NUP133: variants seen among roughly 807,000 people sequenced by gnomAD.
The protein encoded by NUP133 is nuclear pore complex protein Nup133.
Under a neutral mutation model 146.2 loss-of-function variants are expected in NUP133, and 66 were observed. That is an observed-to-expected ratio of 0.45 (90% CI 0.37 to 0.55). The LOEUF (loss-of-function observed/expected upper bound fraction) is 0.55, where lower values mean the gene tolerates loss of function less well. Among genes scored for constraint, NUP133 ranks in the 20% least tolerant of loss-of-function variants. The pLI, the probability that NUP133 is intolerant of heterozygous loss-of-function variation, is 0.00. For missense variants in NUP133, 1,277 were observed against 1,374.8 expected (o/e 0.93, Z 1.12); for synonymous variants, 521 against 498.8 (o/e 1.04, Z -0.59).
chr1:229,456,577 C>T (rs1042119115), intron 21 of NUP133, among the ~76,000 whole-genome samples: 4 of 152,042 alleles, frequency 2.6e-5, no homozygotes, highest in Non-Finnish European at 5.9e-5. Flanking sequence ...CCCAATAAGA[C>T]TCTCCAAGAT....
intron 12 of NUP133, among the ~76,000 whole-genome samples, chr1:229,479,243 G>T: frequency 6.6e-6 from 1 of 152,190 alleles, no homozygotes; most frequent in South Asian, 2.1e-4. Context: ...GCGACCTTCT[G>T]CATAAGCAAG....
rs1381167171 is a variant in NUP133, at chr1:229,441,235, T to C, written c.*669A>G. 13 of 340,538 alleles carry C rather than the reference T, an allele frequency of 3.8e-5. No homozygotes were observed. The Admixed American group carries it at 4.9e-4, about 13-fold the overall frequency. 21.1% of individuals were successfully genotyped at this position (340,538 alleles called of 1,614,324 possible). On this transcript the variant is annotated 3_prime_UTR_variant, in exon 26 of 26. Transcript: ENST00000261396. ...AATCCCCACACTGAAAGATTAGAACTAAACATCAACAGTAATTTCTAGATA... is the reference window on the plus strand; with the variant it reads ...AATCCCCACACTGAAAGATTAGAACCAAACATCAACAGTAATTTCTAGATA...
rs77677767 is a variant in NUP133, at chr1:229,449,164, T to C, written c.3207A>G (p.Leu1069=). ...GAGCTTTGCAAAGGATTTCCAGTTT[T>C]AGATCATTTATATTTATATCTTCTT... is the stretch of plus-strand genomic sequence containing the variant. The part of the protein sequence containing the change: ...DEEEDININD[L]KLEILCKALQ... Residue 1069 remains leucine, a synonymous_variant, in exon 24 of 26, where the codon CTA becomes CTG. Transcript: ENST00000261396. The C allele has an allele frequency of 1.7e-3, 2,704 of 1,611,302 alleles. 45 individuals carry two copies. The African/African-American group carries it at 0.032, about 19-fold the overall frequency.
intron 21 of NUP133, among the ~76,000 whole-genome samples, chr1:229,455,418 G>T (rs1322901287): frequency 6.6e-6 from 1 of 152,102 alleles, no homozygotes; most frequent in Admixed American, 6.6e-5. Flanking sequence ...AAAATTAGCC[G>T]GGCATGGGAG....
chr1:229,472,038 G>A (rs568564033), intron 14 of NUP133, among the ~76,000 whole-genome samples: 6 of 152,196 alleles, frequency 3.9e-5, no homozygotes, highest in African/African-American at 1.2e-4. Context: ...AGGTGTAATC[G>A]GCCAGGCGTG....
rs753793987 is a variant in NUP133, at chr1:229,477,670, A to G, written c.1683T>C (p.Val561=). 8.1e-6 allele frequency: 13 copies of G among 1,614,100 alleles called. 1 individual carries two copies. In the Middle Eastern group the frequency reaches 6.6e-4, roughly 82 times the overall value. Residue 561 remains valine (V), a synonymous_variant, in exon 13 of 26, where the codon GTT becomes GTC. Transcript: ENST00000261396. ...LDSDSELDRA[V]TQISVDLMDD... is the part of the protein sequence containing the mutation. ...CCATCAGGTCTACACTGATTTGGGT[A>G]ACTGCCCTGTCTAGTTCAGAATCAG...
At chr1:229,484,362 C>T (rs1661294445) in intron 11 of NUP133, among the ~76,000 whole-genome samples, 1 of 151,768 alleles carries the variant, frequency 6.6e-6, no homozygotes, top group Non-Finnish European at 1.5e-5. Flanking sequence ...TTAATGATAG[C>T]TGATGAGTTA....
At chr1:229,488,525 G>T (rs994780317) in intron 9 of NUP133, among the ~76,000 whole-genome samples, 6 of 152,104 alleles carry the variant, frequency 3.9e-5, no homozygotes, top group Admixed American at 1.3e-4. Flanking sequence ...ATAGTCTTCT[G>T]CCCTGGCTGA....
intron 12 of NUP133, among the ~76,000 whole-genome samples, chr1:229,482,473 A>G (rs546348755): frequency 6.6e-6 from 1 of 152,232 alleles, no homozygotes; most frequent in Non-Finnish European, 1.5e-5. Context: ...GCATCTGTCC[A>G]AAGTTTCCCA....
chr1:229,495,871 A>G, intron 7 of NUP133, 21 bp downstream of exon 7: 1 of 1,549,598 alleles, frequency 6.5e-7, no homozygotes, highest in Non-Finnish European at 8.7e-7. Context: ...AATTACAGAG[A>G]TGAATATTAT....
At chr1:229,490,962 G>GA (rs1218041543) in intron 8 of NUP133, among the ~76,000 whole-genome samples, 43 of 128,516 alleles carry the variant, frequency 3.3e-4, no homozygotes, top group Middle Eastern at 3.7e-3. Flanking sequence ...AAAAAAAAAA[G>GA]AAAAAAAAAA....
In NUP133 at chr1:229,475,632, T is replaced by TA; in HGVS notation, c.1851+5_1851+6insT. The TA allele has an allele frequency of 1.9e-6, 3 of 1,609,934 alleles. No individual in the cohort carries two copies. The highest frequency in any genetic ancestry group is 2.6e-6 in the Non-Finnish European group (3 of 1,176,132). ...GAGCCCTGTGCCCAGCACCCTGCGC[T>TA]CTTACTTGATGAATAAAGTCCATAA... On this transcript the variant is annotated splice_donor_region_variant and intron_variant, in intron 14 of 25. Coordinates refer to ENST00000261396, the MANE Select transcript of NUP133 (RefSeq NM_018230.3).
Position 229,498,270 on chromosome 1 carries a change from G to C in NUP133, c.685C>G (p.Leu229Val), listed in dbSNP as rs1462874611. The C allele has an allele frequency of 6.2e-7, 1 of 1,603,226 alleles. No individual in the cohort carries two copies. Among genetic ancestry groups the C allele is most frequent in the Non-Finnish European group, 8.5e-7 (1 of 1,176,988 alleles). The change falls in exon 6 of 26, where the codon CTA (leucine) becomes GTA (valine). Residue 229 changes from leucine to valine, a missense_variant. Transcript: ENST00000261396. Reference protein sequence around the residue: ...SFILSSSGSQLIRLIPESSGK... With the variant: ...SFILSSSGSQVIRLIPESSGK... Reference sequence around the variant, plus strand: ...GAGCTCTCAGGTATCAACCGAATTAGTTGGCTTCCTGATGAAGACAAAATA... The same window carrying C: ...GAGCTCTCAGGTATCAACCGAATTACTTGGCTTCCTGATGAAGACAAAATA...
rs779505001 is a variant in NUP133 at position 229,444,953 on chromosome 1, T to C, written c.3295A>G (p.Ser1099Gly). The C allele has an allele frequency of 6.2e-7, 1 of 1,612,390 alleles. No individual in the cohort carries two copies. Among genetic ancestry groups the C allele is most frequent in the East Asian group, 2.2e-5 (1 of 44,836 alleles). ...TTCTGTAAGATCTTCACAAATATAC[T>C]GTCTTTAGATACTTCAATTGGATCA... ...KDDPIEVSKDSIFVKILQKLL... is the reference protein window; with the variant it reads ...KDDPIEVSKDGIFVKILQKLL... Residue 1099 changes from serine (S) to glycine (G), a missense_variant, in exon 25 of 26, where the codon AGT becomes GGT. By Grantham distance (56) the Ser-to-Gly change is moderately conservative. Transcript: ENST00000261396.
intron 8 of NUP133, among the ~76,000 whole-genome samples, chr1:229,492,042 C>T (rs1387426761): frequency 1.3e-5 from 2 of 152,044 alleles, no homozygotes; most frequent in Non-Finnish European, 2.9e-5. Context: ...AAACTTGTTG[C>T]TCCCAATAAA....
chr1:229,488,361 G>A (rs1661414593), intron 9 of NUP133, among the ~76,000 whole-genome samples: 1 of 151,926 alleles, frequency 6.6e-6, no homozygotes, highest in South Asian at 2.1e-4. Flanking sequence ...TAGTTGATTT[G>A]TTTACATATA....
chr1:229,472,581 C>T (rs959770066), intron 14 of NUP133, among the ~76,000 whole-genome samples: 8 of 151,332 alleles, frequency 5.3e-5, no homozygotes, highest in Admixed American at 2.0e-4. Context: ...ACTTGGGAGG[C>T]TGAGATGGGA....
chr1:229,508,097 C>T lies in NUP133; in HGVS notation c.153G>A (p.Pro51=), dbSNP rs754722658. Residue 51 remains proline, a synonymous_variant, in exon 1 of 26, where the codon CCG becomes CCA. Coordinates refer to ENST00000261396, the MANE Select transcript of NUP133 (RefSeq NM_018230.3). ...SAVSSPVLFS[P]VGRRSSLSSR... ...AGCTTAGCGAGCTACGCCGGCCGACCGGCGAGAAGAGCACTGGGGAGCTGA... is the reference window on the plus strand; with the variant it reads ...AGCTTAGCGAGCTACGCCGGCCGACTGGCGAGAAGAGCACTGGGGAGCTGA... 3.3e-6 allele frequency: 5 copies of T among 1,506,718 alleles called. No homozygotes were observed. Among genetic ancestry groups the T allele is most frequent in the Non-Finnish European group, 4.4e-6 (5 of 1,125,956 alleles). 93.3% of individuals were successfully genotyped at this position (1,506,718 alleles called of 1,614,324 possible). A position where few individuals can be genotyped will look rare whatever the true frequency, so the allele number is the denominator to read the frequency against.
At chr1:229,450,344 G>T (rs1291942469) in intron 23 of NUP133, among the ~76,000 whole-genome samples, 181 bp downstream of exon 23, 3 of 152,298 alleles carry the variant, frequency 2.0e-5, no homozygotes, top group East Asian at 3.9e-4. Flanking sequence ...TCACAAAAGG[G>T]AGTCTCTTGA....
Sources: allele counts gnomAD v4.1 joint callset (sites outside exome capture counted in the v4.1 genomes callset), GRCh38; gene constraint gnomAD v4.1.1; transcripts MANE v1.5; gene names NCBI Gene and HGNC (gene_info 2026-07-23, HGNC 2026-07-21).